CEP112: variants seen among roughly 807,000 people sequenced by gnomAD.
The protein encoded by CEP112 is centrosomal protein of 112 kDa.
CEP112 carries 127 observed loss-of-function variants against 153.0 expected under a neutral mutation model. The observed-to-expected ratio is 0.83, with a 90% CI of 0.72 to 0.96. The LOEUF is 0.96. CEP112 is among the 40% of genes least tolerant of loss of function. The pLI is 0.00. For synonymous variants in CEP112, 358 were observed against 374.4 expected (o/e 0.96, Z 0.51); for missense variants, 1,089 against 1,101.2 (o/e 0.99, Z 0.16).
chr17:65,672,662 T>C (rs1895733794), intron 24 of CEP112, among the ~76,000 whole-genome samples: 1 of 152,098 alleles, frequency 6.6e-6, no homozygotes, highest in Admixed American at 6.6e-5. Flanking sequence ...TAACGTTCCA[T>C]AGCAAGTAAG....
intron 17 of CEP112, among the ~76,000 whole-genome samples, chr17:65,982,771 G>C (rs992172209): frequency 2.0e-5 from 3 of 152,168 alleles, no homozygotes; most frequent in African/African-American, 7.2e-5. Context: ...AATATTCATA[G>C]CAGCACTATT....
chr17:65,718,430 T>C (rs2049675716), intron 23 of CEP112, among the ~76,000 whole-genome samples: 2 of 151,854 alleles, frequency 1.3e-5, no homozygotes, highest in African/African-American at 4.8e-5. Flanking sequence ...AAAAATTTAC[T>C]ATTTTTTCTG....
At chr17:65,713,278 G>A (rs755196931) in intron 23 of CEP112, among the ~76,000 whole-genome samples, 6 of 152,152 alleles carry the variant, frequency 3.9e-5, no homozygotes, top group African/African-American at 7.2e-5. Context: ...AAATTATTAC[G>A]TAGCCTTCTG....
At chr17:66,030,118 A>C in intron 12 of CEP112, 95 bp from the exon 13 acceptor site, 2 of 986,564 alleles carry the variant, frequency 2.0e-6, no homozygotes, top group Non-Finnish European at 2.9e-6. Context: ...ATCTATAAGA[A>C]TAAATAAAAC....
chr17:66,037,528 CAT>C (rs2145799242), intron 12 of CEP112, among the ~76,000 whole-genome samples: 2 of 152,270 alleles, frequency 1.3e-5, no homozygotes, highest in South Asian at 4.1e-4. Flanking sequence ...AGTATTTATG[CAT>C]AGTCTTTCCC....
rs547581935 is a variant in CEP112 at position 66,093,889 on chromosome 17, A to G, written c.768+2362T>C. 2.0e-5 allele frequency among the ~76,000 whole-genome samples: 3 copies of G among 152,252 alleles called. No individual in the cohort carries two copies. The South Asian group carries it at 6.2e-4, about 32-fold the overall frequency. On this transcript the variant is annotated intron_variant, in intron 8 of 26. Coordinates refer to ENST00000535342, the MANE Select transcript of CEP112 (RefSeq NM_001199165.4). ...CAAGGCAATTTTGAGCAAAATGAAC[A>G]AAGGTGAAGGCATCACACTACCTGA...
chr17:65,772,444 G>GTAT (rs1430331075), intron 21 of CEP112, among the ~76,000 whole-genome samples: 2 of 151,756 alleles, frequency 1.3e-5, no homozygotes, highest in Non-Finnish European at 2.9e-5. Context: ...ACATTAATAG[G>GTAT]GTAATAAGAA....
At chr17:65,949,074 T>G (rs1232669638) in intron 18 of CEP112, among the ~76,000 whole-genome samples, 1 of 152,204 alleles carries the variant, frequency 6.6e-6, no homozygotes, top group African/African-American at 2.4e-5. Context: ...TGCTGATTGA[T>G]TTCTTTTAGA....
intron 20 of CEP112, among the ~76,000 whole-genome samples, chr17:65,879,110 G>A (rs2058959278): frequency 6.6e-6 from 1 of 152,202 alleles, no homozygotes; most frequent in Non-Finnish European, 1.5e-5. Context: ...TACCTTATAT[G>A]TGAAAAGGGA....
chr17:65,694,770 A>G (rs373159431), intron 23 of CEP112, among the ~76,000 whole-genome samples: 1 of 152,234 alleles, frequency 6.6e-6, no homozygotes, highest in Non-Finnish European at 1.5e-5. Flanking sequence ...CAATTGCTCA[A>G]TAAGTACAAC....
At chr17:65,924,218 C>T (rs7221110) in intron 19 of CEP112, among the ~76,000 whole-genome samples, 5,702 of 152,140 alleles carry the variant, frequency 0.037, 321 homozygotes, top group African/African-American at 0.12. Context: ...CCTCGTGATC[C>T]GCCTGCCTCG....
chr17:65,646,548 G>C (rs1490097375), intron 24 of CEP112, among the ~76,000 whole-genome samples: 2 of 152,152 alleles, frequency 1.3e-5, no homozygotes, highest in African/African-American at 2.4e-5. Context: ...CTGTGTGCCA[G>C]GTGTGACTCT....
intron 23 of CEP112, among the ~76,000 whole-genome samples, chr17:65,705,564 T>A (rs1352896336): frequency 6.6e-6 from 1 of 152,052 alleles, no homozygotes; most frequent in East Asian, 1.9e-4. Context: ...AAGTGTTCAA[T>A]TGAGAGAACA....
intron 20 of CEP112, among the ~76,000 whole-genome samples, chr17:65,877,937 C>T (rs915247666): frequency 2.0e-5 from 3 of 152,090 alleles, no homozygotes; most frequent in African/African-American, 4.8e-5. Flanking sequence ...AAAAGCCAGA[C>T]ACAGACAGAC....
At chr17:66,016,078 T>C (rs1466506946) in intron 16 of CEP112, among the ~76,000 whole-genome samples, 1 of 152,246 alleles carries the variant, frequency 6.6e-6, no homozygotes, top group African/African-American at 2.4e-5. Context: ...GATTTCCTTA[T>C]GACAATTTTC....
At chr17:65,705,463 G>T (rs1315344088) in intron 23 of CEP112, among the ~76,000 whole-genome samples, 2 of 152,142 alleles carry the variant, frequency 1.3e-5, no homozygotes, top group Non-Finnish European at 2.9e-5. Context: ...TACAGAGTTG[G>T]GTAAGACATA....
chr17:65,952,800 A>G (rs373082988), intron 18 of CEP112, among the ~76,000 whole-genome samples: 2 of 152,304 alleles, frequency 1.3e-5, no homozygotes, highest in South Asian at 2.1e-4. Flanking sequence ...TTATCATCTT[A>G]GTCATTCTAA....
At chr17:66,051,875 A>G (rs2066456979) in intron 12 of CEP112, among the ~76,000 whole-genome samples, 1 of 122,194 alleles carries the variant, frequency 8.2e-6, no homozygotes, top group South Asian at 3.6e-4. Context: ...TCATGTCCCA[A>G]TAAACCTATC....
chr17:66,151,462 T>C (rs899967753), intron 4 of CEP112, among the ~76,000 whole-genome samples: 3 of 152,250 alleles, frequency 2.0e-5, no homozygotes, highest in African/African-American at 7.2e-5. Context: ...CCATGTGGTA[T>C]GTCCTTTCCC....
Sources: gnomAD v4.1 joint callset for allele counts (sites outside exome capture counted in the v4.1 genomes callset) on GRCh38, gnomAD v4.1.1 for gene constraint, MANE v1.5 for transcripts, NCBI Gene and HGNC (gene_info 2026-07-23, HGNC 2026-07-21) for gene names.